FREM1: variants seen among roughly 807,000 people sequenced by gnomAD.
FREM1 encodes the protein FRAS1 related extracellular matrix 1, also known as FRAS1-related extracellular matrix protein 1.
FREM1 carries 220 observed loss-of-function variants against 210.1 expected under a neutral mutation model. That is an observed-to-expected ratio of 1.05 (90% CI 0.94 to 1.17). FREM1 has a LOEUF of 1.17. Among genes scored for constraint, FREM1 ranks in the 50% most tolerant of loss-of-function variants. The pLI, the probability that FREM1 is intolerant of heterozygous loss-of-function variation, is 0.00. For missense variants in FREM1, 3,454 were observed against 2,675.5 expected, an observed-to-expected ratio of 1.29 and a Z score of -6.42; for synonymous variants, 1,189 against 980.2, an observed-to-expected ratio of 1.21 and a Z score of -3.98.
At chr9:14,805,270 A>C (rs980094219) in intron 18 of FREM1, 118 bp from the exon 19 acceptor site, 5 of 530,614 alleles carry the variant, frequency 9.4e-6, no homozygotes, top group Non-Finnish European at 1.6e-5. Flanking sequence ...AGATCATAGC[A>C]GTTGACCTAA....
At chr9:14,744,514 G>A (rs1228825060) in intron 35 of FREM1, among the ~76,000 whole-genome samples, 1 of 151,908 alleles carries the variant, frequency 6.6e-6, no homozygotes, top group Non-Finnish European at 1.5e-5. Flanking sequence ...GTGTAGGGCT[G>A]CTTTCTCTCT....
chr9:14,806,054 G>T (rs1818284510), intron 18 of FREM1, among the ~76,000 whole-genome samples: 1 of 152,110 alleles, frequency 6.6e-6, no homozygotes, highest in Non-Finnish European at 1.5e-5. Flanking sequence ...GGTATCCTGT[G>T]TTGCTATGAG....
At chr9:14,820,359 C>A (rs1416305968) in intron 13 of FREM1, among the ~76,000 whole-genome samples, 1 of 152,138 alleles carries the variant, frequency 6.6e-6, no homozygotes, top group Non-Finnish European at 1.5e-5. Context: ...CTCTGAGGAC[C>A]CCTCCCAGGT....
At position 14,792,303 on chromosome 9, in the gene FREM1, C is replaced by CACACACACAG. The variant is rs369927789; in HGVS notation, c.3981+439_3981+440insCTGTGTGTGT. 6.1e-3 allele frequency among the ~76,000 whole-genome samples: 837 copies of CACACACACAG among 137,726 alleles called. 3 individuals carry two copies. The highest frequency in any genetic ancestry group is 0.011 in the Non-Finnish European group (649 of 61,660). 90.4% of individuals were successfully genotyped at this position (137,726 alleles called of 152,430 possible). A position where few individuals can be genotyped will look rare whatever the true frequency, so the allele number is the denominator to read the frequency against. ...ACACACACACACACACACACACACA[C>CACACACACAG]AGAGAGAGAGAGAGATTGAGAGAAC... On this transcript the variant is annotated intron_variant, in intron 22 of 36. Coordinates refer to ENST00000380880, the MANE Select transcript of FREM1 (RefSeq NM_001379081.2).
intron 10 of FREM1, among the ~76,000 whole-genome samples, 188 bp from the exon 11 acceptor site, chr9:14,825,180 T>C (rs1822102429): frequency 6.6e-6 from 1 of 152,188 alleles, no homozygotes; most frequent in South Asian, 2.1e-4. Context: ...CATTTAATAT[T>C]ATATTTTAAG....
intron 29 of FREM1, among the ~76,000 whole-genome samples, chr9:14,752,318 A>G (rs1392866703): frequency 2.0e-5 from 3 of 152,208 alleles, no homozygotes; most frequent in Non-Finnish European, 2.9e-5. Context: ...CAGGAAAACA[A>G]CATAAGTAAA....
intron 8 of FREM1, among the ~76,000 whole-genome samples, chr9:14,844,368 G>T (rs764834557): frequency 6.6e-6 from 1 of 152,082 alleles, no homozygotes; most frequent in Non-Finnish European, 1.5e-5. Context: ...TGGGGCTACA[G>T]GCACGCACCA....
intron 10 of FREM1, among the ~76,000 whole-genome samples, chr9:14,831,979 C>T (rs888928475): frequency 1.3e-5 from 2 of 152,204 alleles, no homozygotes; most frequent in Admixed American, 6.5e-5. Flanking sequence ...GGATCACATA[C>T]CGAAAGGAAG....
At chr9:14,867,613 T>A (rs532283592) in intron 2 of FREM1, among the ~76,000 whole-genome samples, 5 of 152,320 alleles carry the variant, frequency 3.3e-5, no homozygotes, top group African/African-American at 1.2e-4. Context: ...AGACACCAGT[T>A]GAGCTAGTAT....
chr9:14,868,662 A>C, intron 2 of FREM1, 82 bp downstream of exon 2: 1 of 889,024 alleles, frequency 1.1e-6, no homozygotes, highest in South Asian at 1.5e-5. Context: ...GACATTTTAC[A>C]TCTGTTCTCT....
chr9:14,867,161 G>A (rs1432434799), intron 2 of FREM1, among the ~76,000 whole-genome samples: 2 of 152,092 alleles, frequency 1.3e-5, no homozygotes, highest in East Asian at 3.9e-4. Context: ...CAACCAGCCT[G>A]CATTTTCCTT....
intron 24 of FREM1, among the ~76,000 whole-genome samples, chr9:14,780,877 C>G (rs1849552862): frequency 6.6e-6 from 1 of 152,186 alleles, no homozygotes; most frequent in Non-Finnish European, 1.5e-5. Flanking sequence ...TGGTTTAGCG[C>G]CACTTGACAA....
chr9:14,749,840 C>A (rs1843037571), intron 30 of FREM1, among the ~76,000 whole-genome samples: 1 of 152,110 alleles, frequency 6.6e-6, no homozygotes, highest in Admixed American at 6.6e-5. Context: ...TAATTGTCGA[C>A]AGATTCTCAC....
In FREM1 at chr9:14,756,396, A is replaced by G. The variant is rs1844370457; in HGVS notation, c.5385T>C (p.Ser1795=). ...AVGKDFTVIP[S]KLIQFDPGMS... ...TACCTGGGTCAAACTGAATCAGTTT[A>G]GATGGAATCACGGTGAAATCTTTTC... Residue 1795 remains serine (S), a synonymous_variant, in exon 29 of 37, where the codon TCT becomes TCC. Coordinates refer to ENST00000380880, the MANE Select transcript of FREM1 (RefSeq NM_001379081.2). 6.2e-7 allele frequency: 1 copy of G among 1,601,632 alleles called. No individual in the cohort carries two copies.
chr9:14,754,586 A>C (rs1462299277), intron 29 of FREM1, among the ~76,000 whole-genome samples: 2 of 152,068 alleles, frequency 1.3e-5, no homozygotes, highest in East Asian at 3.9e-4. Context: ...AGTTAATGTG[A>C]GGTCATACTG....
rs1818514772 is a variant in FREM1 at position 14,910,354 on chromosome 9, G to T, written c.-708C>A. On this transcript the variant is annotated 5_prime_UTR_variant, in exon 1 of 37. Transcript: ENST00000380880. ...TGGTTGGGTCCGCAGGGACAAAACTGAGCTTTTGTTAATGAGGTCGGTTGC... is the reference window on the plus strand; with the variant it reads ...TGGTTGGGTCCGCAGGGACAAAACTTAGCTTTTGTTAATGAGGTCGGTTGC... 6.6e-6 allele frequency: 1 copy of T among 152,304 alleles called. No homozygotes were observed. Among genetic ancestry groups the T allele is most frequent in the Admixed American group, 6.5e-5 (1 of 15,284 alleles). The allele number at this position is 152,304 out of a possible 1,614,324, so 9.4% of individuals were successfully genotyped here. A position where few individuals can be genotyped will look rare whatever the true frequency, so the allele number is the denominator to read the frequency against.
chr9:14,876,042 T>C (rs547653877), intron 1 of FREM1, among the ~76,000 whole-genome samples: 1 of 152,208 alleles, frequency 6.6e-6, no homozygotes, highest in East Asian at 1.9e-4. Context: ...GGAAGTTTTG[T>C]CTCAGAGGAG....
chr9:14,797,100 G>T (rs75424687), intron 21 of FREM1, among the ~76,000 whole-genome samples: 69 of 152,324 alleles, frequency 4.5e-4, no homozygotes, highest in African/African-American at 1.7e-3. Flanking sequence ...CAGCAAATCT[G>T]TTGTAAGGAC....
Position 14,806,331 on chromosome 9 carries a change from C to T in FREM1, c.3274+330G>A, listed in dbSNP as rs148462246. On this transcript the variant is annotated intron_variant, in intron 18 of 36. Transcript: ENST00000380880. ...AGTGCAATGGCACAATCTCAGCTCA[C>T]TGCAACCTCTGCCTCCTGGTTTCAA... is the stretch of plus-strand genomic sequence containing the variant. Among the ~76,000 whole-genome samples the T allele has an allele frequency of 8.4e-3, 1,249 of 149,412 alleles. 12 individuals carry two copies. The highest frequency in any genetic ancestry group is 0.029 in the African/African-American group (1,176 of 40,672).
Sources: allele counts gnomAD v4.1 joint callset (sites outside exome capture counted in the v4.1 genomes callset), GRCh38; gene constraint gnomAD v4.1.1; transcripts MANE v1.5; gene names NCBI Gene and HGNC (gene_info 2026-07-23, HGNC 2026-07-21).